GLE1: variants seen among roughly 807,000 people sequenced by gnomAD.
GLE1 encodes GLE1 RNA export mediator.
A neutral mutation model predicts 97.3 loss-of-function variants in GLE1; 78 were observed. The observed-to-expected ratio is 0.80, with a 90% CI of 0.67 to 0.97. The LOEUF (loss-of-function observed/expected upper bound fraction) is 0.97, where lower values mean the gene tolerates loss of function less well. GLE1 is among the 50% of genes least tolerant of loss of function. GLE1 has a pLI of 0.00. For missense variants in GLE1, 753 were observed against 857.5 expected (o/e 0.88, Z 1.52); for synonymous variants, 302 against 313.4 (o/e 0.96, Z 0.39).
At chr9:128,526,564 G>A (rs1450179952) in intron 7 of GLE1, among the ~76,000 whole-genome samples, 1 of 151,996 alleles carries the variant, frequency 6.6e-6, no homozygotes, top group Non-Finnish European at 1.5e-5. Flanking sequence ...TCTCCATGTT[G>A]GTCAGGCTGG....
chr9:128,508,919 A>G lies in GLE1; in HGVS notation c.143A>G (p.Tyr48Cys). The change falls in exon 2 of 16, where the codon TAT (tyrosine) becomes TGT (cysteine). Residue 48 changes from tyrosine (Y) to cysteine (C), a missense_variant. Tyr to Cys is a radical substitution (Grantham distance 194, BLOSUM62 -2). Coordinates refer to ENST00000309971, the MANE Select transcript of GLE1 (RefSeq NM_001003722.2). Reference protein sequence around the residue: ...ECMSLPKLSSYSGWVVEHVLP... With the variant: ...ECMSLPKLSSCSGWVVEHVLP... Reference sequence around the variant, plus strand: ...ATGTCTCTTCCCAAGCTATCTTCTTATTCTGGATGGGTGGTAGAGCACGTC... The same window carrying G: ...ATGTCTCTTCCCAAGCTATCTTCTTGTTCTGGATGGGTGGTAGAGCACGTC... The G allele has an allele frequency of 6.2e-7, 1 of 1,611,452 alleles. No individual in the cohort carries two copies. The highest frequency in any genetic ancestry group is 1.3e-5 in the African/African-American group (1 of 74,952).
intron 3 of GLE1, among the ~76,000 whole-genome samples, chr9:128,520,308 A>ATGTGTATATATGTATATG (rs1564148172): frequency 1.3e-5 from 2 of 149,120 alleles, no homozygotes; most frequent in Non-Finnish European, 3.0e-5. Context: ...ATATGTATAT[A>ATGTGTATATATGTATATG]TGTGTATATA....
At chr9:128,514,029 A>G (rs1846904474) in intron 2 of GLE1, among the ~76,000 whole-genome samples, 1 of 143,510 alleles carries the variant, frequency 7.0e-6, no homozygotes, top group East Asian at 2.2e-4. Flanking sequence ...AAAAAAAAAA[A>G]AAAGAAAAAG....
In GLE1 at chr9:128,508,998, G is replaced by A. The variant is rs533223796; in HGVS notation, c.222G>A (p.Thr74=). The stretch of plus-strand genomic sequence containing the variant: ...TGTCTGAGACTTCGCCATCCTCTAC[G>A]TCAGCTTCAGCCCTAGATCAACCCT... ...QPLSETSPSS[T]SASALDQPSF... Residue 74 remains threonine (T), a synonymous_variant, in exon 2 of 16, where the codon ACG becomes ACA. Transcript: ENST00000309971. 76 of 1,613,032 alleles carry A rather than the reference G, an allele frequency of 4.7e-5. 1 individual carries two copies. In the South Asian group the frequency reaches 7.2e-4, roughly 15 times the overall value.
chr9:128,518,051 C>T (rs1052967119), intron 3 of GLE1, among the ~76,000 whole-genome samples: 2 of 152,098 alleles, frequency 1.3e-5, no homozygotes, highest in Admixed American at 1.3e-4. Flanking sequence ...AGCTTTAGGA[C>T]TTCCTAAGTG....
In GLE1 at chr9:128,509,133, T is replaced by C. The variant is rs770504824; in HGVS notation, c.321+36T>C. On this transcript the variant is annotated intron_variant, in intron 2 of 15. Coordinates refer to ENST00000309971, the MANE Select transcript of GLE1 (RefSeq NM_001003722.2). ...GATCAGCTTAAGACAAAAGACATGGTGGCTGCAAAGTCAAAATGTTTAATA... is the reference window on the plus strand; with the variant it reads ...GATCAGCTTAAGACAAAAGACATGGCGGCTGCAAAGTCAAAATGTTTAATA... 6 of 1,246,982 alleles carry C rather than the reference T, an allele frequency of 4.8e-6. No individual in the cohort carries two copies. The East Asian group carries it at 1.2e-4, about 24-fold the overall frequency. 77.2% of individuals were successfully genotyped at this position (1,246,982 alleles called of 1,614,324 possible).
chr9:128,508,487 G>C lies in GLE1; in HGVS notation c.100-389G>C, dbSNP rs1042875312. Among the ~76,000 whole-genome samples the C allele has an allele frequency of 8.5e-5, 13 of 152,302 alleles. 1 individual carries two copies. In the South Asian group the frequency reaches 2.5e-3, roughly 29 times the overall value. Reference sequence around the variant, plus strand: ...CTTTACGATACTCGCACAATGACAAGATCACCTAACCCTGTGTTTCTCAGA... The same window carrying C: ...CTTTACGATACTCGCACAATGACAACATCACCTAACCCTGTGTTTCTCAGA... On this transcript the variant is annotated intron_variant, in intron 1 of 15. Transcript: ENST00000309971.
chr9:128,515,211 C>T (rs1846946287), intron 2 of GLE1, among the ~76,000 whole-genome samples: 1 of 152,028 alleles, frequency 6.6e-6, no homozygotes, highest in South Asian at 2.1e-4. Flanking sequence ...TCCAAAGCAT[C>T]CCAGGATAAA....
At position 128,527,178 on chromosome 9, in the gene GLE1, G is replaced by T; in HGVS notation, c.1130-1G>T. The T allele has an allele frequency of 6.5e-7, 1 of 1,527,334 alleles. No individual in the cohort carries two copies. The highest frequency in any genetic ancestry group is 1.1e-5 in the South Asian group (1 of 89,388). The allele number at this position is 1,527,334 out of a possible 1,614,324, so 94.6% of individuals were successfully genotyped here. ...ACTAAAACCTCTCTTTTATTTCTCA[G>T]ACCTCCAGGTGAAGGTACAAGACAT... On this transcript the variant is annotated splice_acceptor_variant, in intron 7 of 15. Transcript: ENST00000309971. LOFTEE classifies it high-confidence loss of function.
chr9:128,509,609 CCTTTCT>C (rs1846744463), intron 2 of GLE1, among the ~76,000 whole-genome samples: 1 of 150,994 alleles, frequency 6.6e-6, no homozygotes, highest in Admixed American at 6.6e-5. Flanking sequence ...GAACTATTTT[CCTTTCT>C]CTTTCTCTTG....
intron 9 of GLE1, among the ~76,000 whole-genome samples, chr9:128,530,413 C>T (rs1847457007): frequency 6.6e-6 from 1 of 152,158 alleles, no homozygotes; most frequent in South Asian, 2.1e-4. Context: ...TGACTGCTGC[C>T]TCTCTTTCAC....
At chr9:128,529,562 GT>G (rs1305870394) in intron 9 of GLE1, among the ~76,000 whole-genome samples, 1 of 152,050 alleles carries the variant, frequency 6.6e-6, no homozygotes, top group Non-Finnish European at 1.5e-5. Context: ...TCTTCTAAGT[GT>G]TTGCTGATCT....
At chr9:128,520,110 C>T (rs143816257) in intron 3 of GLE1, among the ~76,000 whole-genome samples, 1,712 of 151,914 alleles carry the variant, frequency 0.011, 25 homozygotes, top group African/African-American at 0.039. Flanking sequence ...ATTAGCTGGG[C>T]GTGGTGGCAC....
Position 128,508,926 on chromosome 9 carries a change from A to G in GLE1, c.150A>G (p.Gly50=), listed in dbSNP as rs550698804. The G allele has an allele frequency of 5.0e-6, 8 of 1,611,990 alleles. No homozygotes were observed. In the Admixed American group the frequency reaches 6.7e-5, roughly 13 times the overall value. ...TTCCCAAGCTATCTTCTTATTCTGG[A>G]TGGGTGGTAGAGCACGTCCTACCCC... is the stretch of plus-strand genomic sequence containing the variant. ...MSLPKLSSYS[G]WVVEHVLPHM... The change falls in exon 2 of 16, where the codon GGA becomes GGG. Residue 50 remains glycine, a synonymous_variant. Coordinates refer to ENST00000309971, the MANE Select transcript of GLE1 (RefSeq NM_001003722.2).
chr9:128,521,662 AT>A (rs1847156799), intron 3 of GLE1, among the ~76,000 whole-genome samples: 1 of 152,246 alleles, frequency 6.6e-6, no homozygotes, highest in African/African-American at 2.4e-5. Flanking sequence ...GCTGCATAGT[AT>A]TCTGCAGTAT....
rs1326362132 is a variant in GLE1, at chr9:128,504,977, A to G, written c.99+73A>G. 16 of 980,170 alleles carry G rather than the reference A, an allele frequency of 1.6e-5. No individual in the cohort carries two copies. In the Admixed American group the frequency reaches 2.8e-4, roughly 17 times the overall value. The allele number at this position is 980,170 out of a possible 1,614,324, so 60.7% of individuals were successfully genotyped here. A position where few individuals can be genotyped will look rare whatever the true frequency, so the allele number is the denominator to read the frequency against. ...CGAAACCTTCTCCCTAGCCGTTGGC[A>G]CGTTCTGCTCCCGGGAACCCGTGCA... On this transcript the variant is annotated intron_variant, in intron 1 of 15. Transcript: ENST00000309971.
intron 5 of GLE1, 117 bp downstream of exon 5, chr9:128,523,457 T>C: frequency 7.2e-7 from 1 of 1,390,208 alleles, no homozygotes; most frequent in Non-Finnish European, 1.0e-6. Context: ...TGCCTGTGTA[T>C]GACTAACCTT....
At chr9:128,521,351 T>C (rs891885303) in intron 3 of GLE1, among the ~76,000 whole-genome samples, 2 of 151,982 alleles carry the variant, frequency 1.3e-5, no homozygotes, top group Non-Finnish European at 2.9e-5. Context: ...CTGGGCAATA[T>C]AGTGAGACCC....
At chr9:128,529,970 GTTTCAACGTGTTAGCCAGGA>G (rs1232558896) in intron 9 of GLE1, among the ~76,000 whole-genome samples, 10 of 151,996 alleles carry the variant, frequency 6.6e-5, no homozygotes, top group East Asian at 3.9e-4. Context: ...TAGAGACCAG[GTTTCAACGTGTTAGCCAGGA>G]TTTCAACGTG....
Sources: gnomAD v4.1 joint callset for allele counts (sites outside exome capture counted in the v4.1 genomes callset) on GRCh38, gnomAD v4.1.1 for gene constraint, MANE v1.5 for transcripts, NCBI Gene and HGNC (gene_info 2026-07-23, HGNC 2026-07-21) for gene names.